PTCHD4: variants seen among roughly 807,000 people sequenced by gnomAD.
PTCHD4 encodes patched domain-containing protein 4.
PTCHD4 carries 33 observed loss-of-function variants against 58.1 expected under a neutral mutation model. The observed-to-expected ratio is 0.57, with a 90% CI of 0.43 to 0.76. PTCHD4 has a LOEUF of 0.76. PTCHD4 is among the 30% of genes least tolerant of loss of function. The pLI, the probability that PTCHD4 is intolerant of heterozygous loss-of-function variation, is 0.00. For synonymous variants in PTCHD4, 478 were observed against 409.6 expected, an observed-to-expected ratio of 1.17 and a Z score of -2.02; for missense variants, 1,058 against 1,027.1, an observed-to-expected ratio of 1.03 and a Z score of -0.41.
intron 1 of PTCHD4, among the ~76,000 whole-genome samples, chr6:48,095,500 G>A (rs12201554): frequency 0.045 from 6,830 of 152,102 alleles, 194 homozygotes; most frequent in Non-Finnish European, 0.063. Context: ...TGGCTAACAC[G>A]GTGAAACCCC....
At chr6:47,913,839 A>C (rs1163492186) in intron 4 of PTCHD4, among the ~76,000 whole-genome samples, 2 of 152,136 alleles carry the variant, frequency 1.3e-5, no homozygotes, top group African/African-American at 2.4e-5. Flanking sequence ...CCTTCTCTAA[A>C]CATTTTTCTG....
Position 47,866,361 on chromosome 6 carries a change from C to T in PTCHD4, c.*11942G>A, listed in dbSNP as rs2114068860. Among the ~76,000 whole-genome samples, 1 of 152,016 alleles carries T rather than the reference C, an allele frequency of 6.6e-6. No homozygotes were observed. Among genetic ancestry groups the T allele is most frequent in the East Asian group, 1.9e-4 (1 of 5,150 alleles). On this transcript the variant is annotated 3_prime_UTR_variant, in exon 5 of 5. Coordinates refer to ENST00000339488, the MANE Select transcript of PTCHD4 (RefSeq NM_001384253.1). ...GGATATATTGATTTAAGTAGTCTGG[C>T]ATGAAGTCTGGGCATTGAGACTTTA...
At chr6:47,958,295 C>A (rs930309577) in intron 4 of PTCHD4, among the ~76,000 whole-genome samples, 1 of 152,190 alleles carries the variant, frequency 6.6e-6, no homozygotes, top group African/African-American at 2.4e-5. Flanking sequence ...GTTTACCATT[C>A]TTCTGCACAC....
At chr6:48,072,404 G>A (rs1454944757) in intron 1 of PTCHD4, among the ~76,000 whole-genome samples, 1 of 152,050 alleles carries the variant, frequency 6.6e-6, no homozygotes, top group Admixed American at 6.6e-5. Flanking sequence ...GTTGCCTCCT[G>A]TGTCTCTGTG....
chr6:48,019,539 A>G (rs972327684), intron 3 of PTCHD4, among the ~76,000 whole-genome samples: 4 of 152,196 alleles, frequency 2.6e-5, no homozygotes, highest in African/African-American at 9.7e-5. Context: ...GATTGAGATC[A>G]TCCTGGCTAA....
chr6:47,901,608 G>A (rs1764706707), intron 4 of PTCHD4: 1 of 1,066,156 alleles, frequency 9.4e-7, no homozygotes, highest in Non-Finnish European at 1.1e-6. Context: ...AGAGGAGTCA[G>A]GTGGGAGATA....
At chr6:47,948,756 TGTTTACACC>T (rs1766512416) in intron 4 of PTCHD4, among the ~76,000 whole-genome samples, 1 of 152,168 alleles carries the variant, frequency 6.6e-6, no homozygotes, top group Non-Finnish European at 1.5e-5. Flanking sequence ...GGAGCAGCTC[TGTTTACACC>T]TTTCAATGGC....
chr6:48,045,111 T>A (rs775451810), intron 3 of PTCHD4, among the ~76,000 whole-genome samples: 3 of 151,756 alleles, frequency 2.0e-5, no homozygotes, highest in Non-Finnish European at 4.4e-5. Flanking sequence ...CATCCCTACA[T>A]CAATCACAGG....
chr6:48,025,425 T>C (rs1301983322), intron 3 of PTCHD4, among the ~76,000 whole-genome samples: 2 of 152,200 alleles, frequency 1.3e-5, no homozygotes, highest in Non-Finnish European at 2.9e-5. Context: ...GGTCCATTGT[T>C]CTTAAAAACA....
At chr6:47,948,621 C>T (rs1484257880) in intron 4 of PTCHD4, among the ~76,000 whole-genome samples, 2 of 152,104 alleles carry the variant, frequency 1.3e-5, no homozygotes, top group Non-Finnish European at 2.9e-5. Context: ...CTCTCCATTC[C>T]TTTGTCTTTG....
chr6:48,000,224 T>G (rs1768667351), intron 4 of PTCHD4, among the ~76,000 whole-genome samples: 1 of 152,190 alleles, frequency 6.6e-6, no homozygotes, highest in South Asian at 2.1e-4. Context: ...AAATATATCT[T>G]TGTTATGTTA....
chr6:47,956,713 G>A (rs917033944), intron 4 of PTCHD4, among the ~76,000 whole-genome samples: 1 of 152,116 alleles, frequency 6.6e-6, no homozygotes, highest in Non-Finnish European at 1.5e-5. Flanking sequence ...GATTACAGGC[G>A]TGAGCCACTG....
intron 3 of PTCHD4, among the ~76,000 whole-genome samples, chr6:48,051,275 A>T (rs1252985273): frequency 6.6e-6 from 1 of 152,038 alleles, no homozygotes; most frequent in Non-Finnish European, 1.5e-5. Flanking sequence ...TAAATCAGGT[A>T]TTACCCAAAA....
chr6:47,892,856 AT>A (rs1437821741), intron 4 of PTCHD4, among the ~76,000 whole-genome samples: 1 of 152,124 alleles, frequency 6.6e-6, no homozygotes. Flanking sequence ...CCACAGCTGG[AT>A]TTTTTTCTGA....
chr6:47,975,003 C>CA (rs1427593874), intron 4 of PTCHD4, among the ~76,000 whole-genome samples: 1 of 152,144 alleles, frequency 6.6e-6, no homozygotes, highest in African/African-American at 2.4e-5. Flanking sequence ...GTAAAACAAA[C>CA]AAACAAACAA....
chr6:48,057,350 A>G (rs1764448661), intron 3 of PTCHD4, among the ~76,000 whole-genome samples: 1 of 152,118 alleles, frequency 6.6e-6, no homozygotes, highest in South Asian at 2.1e-4. Context: ...TGATTCCTTT[A>G]CAACTTCCTT....
intron 4 of PTCHD4, among the ~76,000 whole-genome samples, chr6:47,966,173 G>A (rs1767283868): frequency 6.6e-6 from 1 of 152,148 alleles, no homozygotes; most frequent in African/African-American, 2.4e-5. Context: ...TGGTCATACA[G>A]GCATACTTTG....
intron 4 of PTCHD4, among the ~76,000 whole-genome samples, chr6:47,928,831 T>C (rs1347008819): frequency 6.6e-6 from 1 of 152,186 alleles, no homozygotes; most frequent in East Asian, 1.9e-4. Context: ...ATAAATGTGT[T>C]TTTAATGTTG....
chr6:48,043,420 G>A (rs1763916668), intron 3 of PTCHD4, among the ~76,000 whole-genome samples: 3 of 151,674 alleles, frequency 2.0e-5, no homozygotes, highest in Admixed American at 6.6e-5. Flanking sequence ...ATGCTGAAAG[G>A]CAGCGTTTTT....
Sources: gnomAD v4.1 joint callset for allele counts (sites outside exome capture counted in the v4.1 genomes callset) on GRCh38, gnomAD v4.1.1 for gene constraint, MANE v1.5 for transcripts, NCBI Gene and HGNC (gene_info 2026-07-23, HGNC 2026-07-21) for gene names.